USP49: variants seen among roughly 807,000 people sequenced by gnomAD.
USP49 encodes ubiquitin carboxyl-terminal hydrolase 49.
Under a neutral mutation model 58.6 loss-of-function variants are expected in USP49, and 24 were observed. The observed-to-expected ratio is 0.41, with a 90% CI of 0.30 to 0.58. The LOEUF is 0.58. USP49 is among the 20% of genes least tolerant of loss of function. The probability of loss-of-function intolerance (pLI) is 0.30; values close to 1 mark genes in which losing one functional copy is unlikely to be tolerated. For missense variants in USP49, 703 were observed against 866.1 expected, an observed-to-expected ratio of 0.81 and a Z score of 2.36; for synonymous variants, 408 against 365.1, an observed-to-expected ratio of 1.12 and a Z score of -1.34.
chr6:41,809,623 G>T (rs567259624), intron 3 of USP49, among the ~76,000 whole-genome samples: 1 of 151,576 alleles, frequency 6.6e-6, no homozygotes, highest in Non-Finnish European at 1.5e-5. Flanking sequence ...TCAGGAGATC[G>T]AGACCATCCT....
chr6:41,877,690 AACTGGGATT>A (rs3050153), intron 2 of USP49, among the ~76,000 whole-genome samples: 23,853 of 151,648 alleles, frequency 0.16, 1,977 homozygotes, highest in East Asian at 0.25. Context: ...CCTCCCAAGT[AACTGGGATT>A]ACAGGTTTGC....
intron 3 of USP49, among the ~76,000 whole-genome samples, chr6:41,865,164 T>A (rs1774288570): frequency 6.6e-6 from 1 of 151,908 alleles, no homozygotes; most frequent in African/African-American, 2.4e-5. Context: ...CCTGCCTCAG[T>A]CTCCCGAGTA....
chr6:41,880,559 G>A (rs1027030270), intron 2 of USP49, among the ~76,000 whole-genome samples: 6 of 152,150 alleles, frequency 3.9e-5, no homozygotes, highest in Non-Finnish European at 5.9e-5. Flanking sequence ...CAGACTTCTC[G>A]TCAGCAGCAA....
intron 2 of USP49, among the ~76,000 whole-genome samples, chr6:41,889,928 G>A (rs1428213407): frequency 1.3e-5 from 2 of 152,102 alleles, no homozygotes; most frequent in Non-Finnish European, 2.9e-5. Flanking sequence ...TATCATTTTT[G>A]CAACTTTTCC....
Position 41,867,754 on chromosome 6 carries a change from AAAAC to A in USP49, c.-29+3806_-29+3809del, listed in dbSNP as rs1193982834. On this transcript the variant is annotated intron_variant, in intron 3 of 7. Transcript: ENST00000682992. ...GCGACAGAGCAAGACTCCATCTCAA[AAAAC>A]AAACAAACAAAAACCAAACAAACAA... is the stretch of plus-strand genomic sequence containing the variant. 2.6e-5 allele frequency among the ~76,000 whole-genome samples: 4 copies of A among 152,170 alleles called. No individual in the cohort carries two copies. The South Asian group carries it at 6.2e-4, about 24-fold the overall frequency.
intron 2 of USP49, among the ~76,000 whole-genome samples, chr6:41,875,420 T>C (rs1774486343): frequency 6.6e-6 from 1 of 152,200 alleles, no homozygotes; most frequent in South Asian, 2.1e-4. Context: ...TGTAAGCTCC[T>C]GGAGGAGAGA....
chr6:41,881,804 T>G (rs1035934644), intron 2 of USP49, among the ~76,000 whole-genome samples: 4 of 152,136 alleles, frequency 2.6e-5, no homozygotes, highest in Non-Finnish European at 5.9e-5. Flanking sequence ...AATACACTAT[T>G]CTCTTACAAA....
intron 3 of USP49, among the ~76,000 whole-genome samples, chr6:41,847,548 T>C (rs1415679806): frequency 1.3e-5 from 2 of 152,078 alleles, no homozygotes; most frequent in South Asian, 2.1e-4. Flanking sequence ...ACCCCGTTTC[T>C]ACTAAAAATA....
intron 3 of USP49, among the ~76,000 whole-genome samples, chr6:41,842,650 T>C (rs1004821945): frequency 2.6e-5 from 4 of 152,096 alleles, no homozygotes; most frequent in African/African-American, 9.7e-5. Context: ...TAATCACAGC[T>C]ATTAATTATG....
chr6:41,860,498 ATTTG>A (rs1475744214), intron 3 of USP49, among the ~76,000 whole-genome samples: 4 of 151,900 alleles, frequency 2.6e-5, no homozygotes, highest in Admixed American at 1.3e-4. Flanking sequence ...AGTTTTTATT[ATTTG>A]TTTATTTATT....
At chr6:41,893,123 C>T (rs1009741874) in intron 1 of USP49, among the ~76,000 whole-genome samples, 4 of 152,178 alleles carry the variant, frequency 2.6e-5, no homozygotes, top group African/African-American at 9.7e-5. Flanking sequence ...GCAGTATTAT[C>T]TTACAGAGAT....
intron 2 of USP49, among the ~76,000 whole-genome samples, chr6:41,884,037 T>C (rs1774664680): frequency 6.6e-6 from 1 of 152,148 alleles, no homozygotes; most frequent in Admixed American, 6.5e-5. Flanking sequence ...TTTTTGTTTT[T>C]TTTTTAGATG....
chr6:41,812,009 A>G (rs575139094), intron 3 of USP49, among the ~76,000 whole-genome samples: 3 of 152,162 alleles, frequency 2.0e-5, no homozygotes, highest in African/African-American at 7.2e-5. Context: ...TACTTGTTAT[A>G]TATACAGATT....
intron 3 of USP49, among the ~76,000 whole-genome samples, chr6:41,852,711 T>A (rs192443366): frequency 1.3e-5 from 2 of 152,144 alleles, no homozygotes; most frequent in South Asian, 4.1e-4. Flanking sequence ...TTTTCTGAAA[T>A]ACAAAAATTA....
Position 41,796,703 on chromosome 6 carries a change from C to A in USP49, c.1897G>T (p.Asp633Tyr). ...TEGGFWVHCN[D>Y]SKLNVCSVEE... Reference sequence around the variant, plus strand: ...ACACTGCATACATTCAGCTTTGAGTCATTGCAGTGGACCCAAAAACCTAGG... The same window carrying A: ...ACACTGCATACATTCAGCTTTGAGTAATTGCAGTGGACCCAAAAACCTAGG... Residue 633 changes from aspartate (D) to tyrosine (Y), a missense_variant, in exon 8 of 8, where the codon GAC becomes TAC. Transcript: ENST00000682992. The A allele has an allele frequency of 1.4e-6, 1 of 717,334 alleles. No homozygotes were observed. The highest frequency in any genetic ancestry group is 1.5e-5 in the South Asian group (1 of 67,568). 44.4% of individuals were successfully genotyped at this position (717,334 alleles called of 1,614,324 possible). A position where few individuals can be genotyped will look rare whatever the true frequency, so the allele number is the denominator to read the frequency against.
At chr6:41,829,336 T>C (rs973939141) in intron 3 of USP49, among the ~76,000 whole-genome samples, 1 of 151,866 alleles carries the variant, frequency 6.6e-6, no homozygotes, top group Non-Finnish European at 1.5e-5. Flanking sequence ...TTTTTTAAGA[T>C]GGTGTTTCGC....
At chr6:41,871,378 GT>G (rs1475965850) in intron 3 of USP49, among the ~76,000 whole-genome samples, 185 bp downstream of exon 3, 1 of 152,162 alleles carries the variant, frequency 6.6e-6, no homozygotes, top group African/African-American at 2.4e-5. Context: ...CTTAGCTTAA[GT>G]TAATTCGTGG....
At chr6:41,815,734 G>A (rs1773338242) in intron 3 of USP49, among the ~76,000 whole-genome samples, 1 of 152,222 alleles carries the variant, frequency 6.6e-6, no homozygotes, top group South Asian at 2.1e-4. Flanking sequence ...GTCCACTTAT[G>A]CAGCAGCTCT....
Position 41,807,023 on chromosome 6 carries a change from G to C in USP49, c.-28-12C>G. The C allele has an allele frequency of 2.2e-6, 3 of 1,343,220 alleles. No homozygotes were observed. The highest frequency in any genetic ancestry group is 2.9e-6 in the Non-Finnish European group (3 of 1,039,742). The allele number at this position is 1,343,220 out of a possible 1,614,324, so 83.2% of individuals were successfully genotyped here. A position where few individuals can be genotyped will look rare whatever the true frequency, so the allele number is the denominator to read the frequency against. On this transcript the variant is annotated splice_polypyrimidine_tract_variant and intron_variant, in intron 3 of 7. Transcript: ENST00000682992. ...GCCACTTTCTCAACCTGGCACGACA[G>C]AGTCCCCAAAAAAGAAAAAGAAAAA...
Sources: allele counts gnomAD v4.1 joint callset (sites outside exome capture counted in the v4.1 genomes callset), GRCh38; gene constraint gnomAD v4.1.1; transcripts MANE v1.5; gene names NCBI Gene and HGNC (gene_info 2026-07-23, HGNC 2026-07-21).